The following OPCML variants were observed in gnomAD, a reference collection of about 807,000 sequenced individuals.
OPCML encodes opioid binding protein/cell adhesion molecule like.
In OPCML, 13 loss-of-function variants were observed where a neutral mutation model predicts 37.8. That is an observed-to-expected ratio of 0.34 (90% CI 0.22 to 0.55). The LOEUF (loss-of-function observed/expected upper bound fraction) is 0.55. Among genes scored for constraint, OPCML ranks in the 20% least tolerant of loss-of-function variants. The pLI is 0.91. For synonymous variants in OPCML, 176 were observed against 168.8 expected (o/e 1.04, Z -0.33); for missense variants, 341 against 435.6 (o/e 0.78, Z 1.93).
At chr11:133,323,959 G>C (rs118170225) in intron 1 of OPCML, among the ~76,000 whole-genome samples, 1,869 of 152,266 alleles carry the variant, frequency 0.012, 18 homozygotes, top group African/African-American at 0.024. Context: ...CAGAAGGGAG[G>C]TTATTTGTTC....
At chr11:132,893,218 T>C (rs1943718144) in intron 2 of OPCML, among the ~76,000 whole-genome samples, 1 of 152,130 alleles carries the variant, frequency 6.6e-6, no homozygotes, top group African/African-American at 2.4e-5. Flanking sequence ...GCCAAGATCG[T>C]GCCGCTGCAC....
intron 2 of OPCML, among the ~76,000 whole-genome samples, chr11:132,805,251 T>G (rs1029948601): frequency 6.6e-6 from 1 of 152,104 alleles, no homozygotes; most frequent in Non-Finnish European, 1.5e-5. Flanking sequence ...GAAAAAAGGA[T>G]TTTATGCAAT....
intron 1 of OPCML, among the ~76,000 whole-genome samples, chr11:133,355,083 C>A (rs10894671): frequency 0.11 from 17,167 of 152,202 alleles, 1,109 homozygotes; most frequent in East Asian, 0.19. Flanking sequence ...GTTTAGTCTG[C>A]CTAACAAAGG....
chr11:132,653,564 G>C (rs536251239), intron 3 of OPCML, among the ~76,000 whole-genome samples: 1 of 152,320 alleles, frequency 6.6e-6, no homozygotes, highest in Non-Finnish European at 1.5e-5. Flanking sequence ...GATCCCCTCA[G>C]TGGCTGAGAT....
At chr11:133,416,047 A>G (rs1945756124) in intron 1 of OPCML, among the ~76,000 whole-genome samples, 1 of 152,204 alleles carries the variant, frequency 6.6e-6, no homozygotes, top group Admixed American at 6.5e-5. Flanking sequence ...CTCCAGCCAG[A>G]CCCATACGAG....
At chr11:133,305,965 C>T (rs1942903706) in intron 1 of OPCML, among the ~76,000 whole-genome samples, 1 of 152,208 alleles carries the variant, frequency 6.6e-6, no homozygotes, top group Non-Finnish European at 1.5e-5. Context: ...AGGACCTTCA[C>T]ATCGTTATTT....
intron 1 of OPCML, chr11:133,064,946 A>T (rs950671317): frequency 6.6e-6 from 1 of 152,144 alleles, no homozygotes; most frequent in Non-Finnish European, 1.5e-5. Context: ...TTTAATCTGG[A>T]TGAGAAGAGG....
chr11:132,512,135 T>G (rs1256827315), intron 4 of OPCML, among the ~76,000 whole-genome samples: 1 of 152,010 alleles, frequency 6.6e-6, no homozygotes, highest in Non-Finnish European at 1.5e-5. Context: ...TCATTAATCC[T>G]CAAAGAAAAA....
chr11:132,811,425 C>G (rs967292724), intron 2 of OPCML, among the ~76,000 whole-genome samples: 1 of 151,774 alleles, frequency 6.6e-6, no homozygotes, highest in Non-Finnish European at 1.5e-5. Flanking sequence ...CTGATCTAGA[C>G]CCCCTCAGAT....
intron 1 of OPCML, among the ~76,000 whole-genome samples, chr11:133,136,998 C>T (rs533416709): frequency 4.6e-5 from 7 of 152,076 alleles, no homozygotes; most frequent in East Asian, 1.9e-4. Context: ...ATGGTTATGA[C>T]GGATGCCCTC....
chr11:132,657,155 C>A lies in OPCML; in HGVS notation c.311G>T (p.Gly104Val). The stretch of plus-strand genomic sequence containing the variant: ...TGTCTGCACAGAGCAGGTGTACGGA[C>A]CTTCGTCATACACATCCACATTTTG... ...MIQNVDVYDE[G>V]PYTCSVQTDN... is the part of the protein sequence containing the mutation. Residue 104 changes from glycine to valine, a missense_variant, in exon 3 of 8, where the codon GGT (glycine) becomes GTT (valine). Transcript: ENST00000524381. 6.2e-7 allele frequency: 1 copy of A among 1,614,174 alleles called. No individual in the cohort carries two copies. The highest frequency in any genetic ancestry group is 8.5e-7 in the Non-Finnish European group (1 of 1,180,036).
chr11:133,353,212 C>T (rs1944182356), intron 1 of OPCML, among the ~76,000 whole-genome samples: 2 of 152,086 alleles, frequency 1.3e-5, no homozygotes, highest in Admixed American at 6.6e-5. Flanking sequence ...TATTGCCCAG[C>T]TTGGAGTGCA....
intron 1 of OPCML, among the ~76,000 whole-genome samples, chr11:132,994,956 T>C (rs1946854876): frequency 6.6e-6 from 1 of 152,204 alleles, no homozygotes. Context: ...CTGAGAAAAC[T>C]GAGACTCTAA....
chr11:133,296,359 C>T (rs1242110763), intron 1 of OPCML, among the ~76,000 whole-genome samples: 6 of 152,134 alleles, frequency 3.9e-5, no homozygotes, highest in African/African-American at 1.2e-4. Flanking sequence ...ATTGTCAGCC[C>T]ATGATTTGCC....
chr11:133,223,134 C>G (rs1196512314), intron 1 of OPCML, among the ~76,000 whole-genome samples: 1 of 152,158 alleles, frequency 6.6e-6, no homozygotes, highest in Non-Finnish European at 1.5e-5. Flanking sequence ...AGTCCTTGAC[C>G]CCAGAAGGAA....
chr11:132,626,812 T>TTCTC lies in OPCML; in HGVS notation c.379+30271_379+30274dup, dbSNP rs375135656. Among the ~76,000 whole-genome samples the TTCTC allele has an allele frequency of 3.8e-3, 561 of 147,274 alleles. 2 individuals carry two copies. The highest frequency in any genetic ancestry group is 6.0e-3 in the Admixed American group (88 of 14,694). Reference sequence around the variant, plus strand: ...GTACAGAACGGTTTTAAAGGGAAGTTTCTCTCTCTCTCTCTCTCTCTCTCT... The same window carrying TTCTC: ...GTACAGAACGGTTTTAAAGGGAAGTTTCTCTCTCTCTCTCTCTCTCTCTCTCTCT... On this transcript the variant is annotated intron_variant, in intron 3 of 7. Transcript: ENST00000524381.
chr11:132,929,972 G>A (rs1396020209), intron 2 of OPCML, among the ~76,000 whole-genome samples: 1 of 152,150 alleles, frequency 6.6e-6, no homozygotes, highest in Non-Finnish European at 1.5e-5. Flanking sequence ...AATGAGAAAA[G>A]ATGGAAAGTT....
intron 2 of OPCML, among the ~76,000 whole-genome samples, chr11:132,757,576 T>C (rs1005061059): frequency 6.6e-6 from 1 of 152,250 alleles, no homozygotes; most frequent in Non-Finnish European, 1.5e-5. Flanking sequence ...TTTTCATATG[T>C]TTTTTAGCCG....
chr11:133,334,567 G>A (rs1943699835), intron 1 of OPCML, among the ~76,000 whole-genome samples: 1 of 152,180 alleles, frequency 6.6e-6, no homozygotes, highest in African/African-American at 2.4e-5. Flanking sequence ...CCTGGGTGAT[G>A]TAATAATATG....
Sources: gnomAD v4.1 joint callset for allele counts (sites outside exome capture counted in the v4.1 genomes callset) on GRCh38, gnomAD v4.1.1 for gene constraint, MANE v1.5 for transcripts, NCBI Gene and HGNC (gene_info 2026-07-23, HGNC 2026-07-21) for gene names.